The following TNPO1 variants were observed in gnomAD, a reference collection of about 807,000 sequenced individuals.
TNPO1 encodes the protein transportin-1.
A neutral mutation model predicts 119.5 loss-of-function variants in TNPO1; 8 were observed. That is an observed-to-expected ratio of 0.07 (90% confidence interval 0.04 to 0.12). The LOEUF (loss-of-function observed/expected upper bound fraction) is 0.12, where lower values mean the gene tolerates loss of function less well. Among genes scored for constraint, TNPO1 ranks in the 10% least tolerant of loss-of-function variants. The pLI is 1.00. For missense variants in TNPO1, 576 were observed against 1,089.8 expected (o/e 0.53, Z 6.64); for synonymous variants, 362 against 363.0 (o/e 1.00, Z 0.03).
Position 72,845,163 on chromosome 5 carries a change from AAGGG to A in TNPO1, c.16-3219_16-3216del. On this transcript the variant is annotated intron_variant, in intron 1 of 24. Transcript: ENST00000337273. ...ATTAGTGTAGTATGGAGTATCATCT[AAGGG>A]AGCGAAATTTGAAGTACTACTTCCT... Among the ~76,000 whole-genome samples the A allele has an allele frequency of 1.3e-5, 2 of 151,370 alleles. 1 individual carries two copies. Among genetic ancestry groups the A allele is most frequent in the African/African-American group, 4.8e-5 (2 of 41,242 alleles).
rs555119737 is a variant in TNPO1, at chr5:72,821,891, T to TAG, written c.15+5140_15+5141dup. Reference sequence around the variant, plus strand: ...CGGTTCAGGGGCCCTGAAAGGTATATAGCAGGGGTCCACAAACTTTCTGTA... The same window carrying TAG: ...CGGTTCAGGGGCCCTGAAAGGTATATAGAGCAGGGGTCCACAAACTTTCTGTA... On this transcript the variant is annotated intron_variant, in intron 1 of 24. Transcript: ENST00000337273. 7.2e-4 allele frequency among the ~76,000 whole-genome samples: 109 copies of TAG among 152,290 alleles called. 1 individual carries two copies. The highest frequency in any genetic ancestry group is 9.3e-4 in the Non-Finnish European group (63 of 68,026).
intron 1 of TNPO1, among the ~76,000 whole-genome samples, chr5:72,831,315 A>G (rs1165431352): frequency 6.6e-6 from 1 of 151,880 alleles, no homozygotes; most frequent in African/African-American, 2.4e-5. Context: ...TAGTTCTTCT[A>G]GTTCAACATA....
chr5:72,829,593 G>A (rs1040224517), intron 1 of TNPO1, among the ~76,000 whole-genome samples: 1 of 152,222 alleles, frequency 6.6e-6, no homozygotes, highest in Admixed American at 6.5e-5. Context: ...AAGAAGTAAT[G>A]CCAGCTTTTG....
intron 1 of TNPO1, among the ~76,000 whole-genome samples, chr5:72,839,340 T>A (rs1451182615): frequency 6.6e-6 from 1 of 152,196 alleles, no homozygotes; most frequent in Non-Finnish European, 1.5e-5. Context: ...GTTGATTTGA[T>A]ATACAAATGT....
rs913528852 is a variant in TNPO1, at chr5:72,909,624, T to C, written c.*951T>C. 3 of 152,572 alleles carry C rather than the reference T, an allele frequency of 2.0e-5. No homozygotes were observed. Among genetic ancestry groups the C allele is most frequent in the African/African-American group, 7.2e-5 (3 of 41,450 alleles). 9.5% of individuals were successfully genotyped at this position (152,572 alleles called of 1,614,324 possible). A position where few individuals can be genotyped will look rare whatever the true frequency, so the allele number is the denominator to read the frequency against. On this transcript the variant is annotated 3_prime_UTR_variant, in exon 25 of 25. Coordinates refer to ENST00000337273, the MANE Select transcript of TNPO1 (RefSeq NM_002270.4). ...ATGCTTGCATCACATAGAGTGAGAT[T>C]GGTATTCATTTACCTATGTTGCGCC...
intron 4 of TNPO1, among the ~76,000 whole-genome samples, chr5:72,858,885 T>C (rs1281438137): frequency 6.6e-6 from 1 of 151,778 alleles, no homozygotes; most frequent in Non-Finnish European, 1.5e-5. Flanking sequence ...TGTTGTTTTG[T>C]TTGTTTTGCT....
rs1339002027 is a variant in TNPO1 at position 72,911,388 on chromosome 5, A to G, written c.*2715A>G. The G allele has an allele frequency of 2.0e-5, 3 of 152,504 alleles. No individual in the cohort carries two copies. The highest frequency in any genetic ancestry group is 7.2e-5 in the African/African-American group (3 of 41,450). The allele number at this position is 152,504 out of a possible 1,614,324, so 9.4% of individuals were successfully genotyped here. A position where few individuals can be genotyped will look rare whatever the true frequency, so the allele number is the denominator to read the frequency against. ...TAAAATTAGGTAAATATGACTGGCA[A>G]CCTGAATTTGAGTTGGGATTCTTTG... On this transcript the variant is annotated 3_prime_UTR_variant, in exon 25 of 25. Coordinates refer to ENST00000337273, the MANE Select transcript of TNPO1 (RefSeq NM_002270.4).
At chr5:72,873,687 A>G (rs1189463881) in intron 7 of TNPO1, among the ~76,000 whole-genome samples, 1 of 152,158 alleles carries the variant, frequency 6.6e-6, no homozygotes, top group Non-Finnish European at 1.5e-5. Context: ...GGATAATACT[A>G]GAGGTCTGGA....
rs115944208 is a variant in TNPO1, at chr5:72,857,617, C to T, written c.355+1694C>T. ...CGGATCCAGGAGAGAAATCTCCATA[C>T]GTAAGTGGAATGGAATTTAGAAGGA... is the stretch of plus-strand genomic sequence containing the variant. On this transcript the variant is annotated intron_variant, in intron 4 of 24. Coordinates refer to ENST00000337273, the MANE Select transcript of TNPO1 (RefSeq NM_002270.4). Among the ~76,000 whole-genome samples the T allele has an allele frequency of 8.3e-3, 1,262 of 152,156 alleles. 14 individuals carry two copies. Among genetic ancestry groups the T allele is most frequent in the African/African-American group, 0.029 (1,196 of 41,504 alleles).
intron 4 of TNPO1, among the ~76,000 whole-genome samples, chr5:72,858,412 C>T (rs563151666): frequency 5.3e-5 from 8 of 152,130 alleles, no homozygotes; most frequent in East Asian, 1.9e-4. Context: ...AAAATGAGTT[C>T]GTTTTTGTCC....
At chr5:72,880,714 G>A (rs916296015) in intron 9 of TNPO1, among the ~76,000 whole-genome samples, 1 of 151,278 alleles carries the variant, frequency 6.6e-6, no homozygotes, top group African/African-American at 2.4e-5. Context: ...TACTTGGGTG[G>A]CTGAGGCAGG....
intron 20 of TNPO1, among the ~76,000 whole-genome samples, chr5:72,898,659 C>T (rs1173025053): frequency 6.6e-6 from 1 of 152,062 alleles, no homozygotes; most frequent in Non-Finnish European, 1.5e-5. Flanking sequence ...CGTTAATTTG[C>T]TTTTTTCCGA....
At chr5:72,842,991 C>G (rs1320361728) in intron 1 of TNPO1, among the ~76,000 whole-genome samples, 1 of 152,162 alleles carries the variant, frequency 6.6e-6, no homozygotes, top group Non-Finnish European at 1.5e-5. Flanking sequence ...GACCTCCTAA[C>G]TGGGTTAGCA....
intron 1 of TNPO1, among the ~76,000 whole-genome samples, chr5:72,820,507 T>C (rs1402782748): frequency 6.6e-6 from 1 of 152,220 alleles, no homozygotes; most frequent in Non-Finnish European, 1.5e-5. Flanking sequence ...GCATTTAACA[T>C]ACATTGTCAC....
At position 72,909,096 on chromosome 5, in the gene TNPO1, T is replaced by A. The variant is rs1022165606; in HGVS notation, c.*423T>A. On this transcript the variant is annotated 3_prime_UTR_variant, in exon 25 of 25. Transcript: ENST00000337273. Reference sequence around the variant, plus strand: ...GCGCACAATAAAGGAAACCTAAGAATGGGAGTTACAAATAGTAAAGAAGCT... The same window carrying A: ...GCGCACAATAAAGGAAACCTAAGAAAGGGAGTTACAAATAGTAAAGAAGCT... 1 of 154,372 alleles carries A rather than the reference T, an allele frequency of 6.5e-6. No individual in the cohort carries two copies. The highest frequency in any genetic ancestry group is 2.4e-5 in the African/African-American group (1 of 40,840). 9.6% of individuals were successfully genotyped at this position (154,372 alleles called of 1,614,324 possible).
At chr5:72,899,007 A>G (rs1359937047) in intron 20 of TNPO1, among the ~76,000 whole-genome samples, 1 of 152,042 alleles carries the variant, frequency 6.6e-6, no homozygotes, top group Non-Finnish European at 1.5e-5. Context: ...ACATGTACGT[A>G]CCTTTGAATT....
intron 9 of TNPO1, chr5:72,879,040 TA>T: frequency 3.0e-6 from 1 of 332,246 alleles, no homozygotes; most frequent in East Asian, 9.8e-5. Flanking sequence ...TTTATGTACA[TA>T]AGCACATCTC....
chr5:72,882,422 CTTGAGA>C, intron 9 of TNPO1, 39 bp from the exon 10 acceptor site: 1 of 1,418,532 alleles, frequency 7.0e-7, no homozygotes, highest in Non-Finnish European at 9.8e-7. Context: ...TAATTATTCT[CTTGAGA>C]TCTTAAGGTC....
chr5:72,851,971 G>GA (rs1184339799), intron 3 of TNPO1, among the ~76,000 whole-genome samples: 4 of 151,974 alleles, frequency 2.6e-5, no homozygotes, highest in Non-Finnish European at 5.9e-5. Context: ...GTTTTTTGTA[G>GA]AAAAAAATTG....
Sources: gnomAD v4.1 joint callset for allele counts (sites outside exome capture counted in the v4.1 genomes callset) on GRCh38, gnomAD v4.1.1 for gene constraint, MANE v1.5 for transcripts, NCBI Gene and HGNC (gene_info 2026-07-23, HGNC 2026-07-21) for gene names.